The following PTK2B variants were observed in gnomAD, a reference collection of about 807,000 sequenced individuals.
The protein encoded by PTK2B is protein tyrosine kinase 2 beta, also known as protein-tyrosine kinase 2-beta.
Under a neutral mutation model 142.9 loss-of-function variants are expected in PTK2B, and 71 were observed. The ratio of observed to expected loss-of-function variants is 0.50; its 90% CI spans 0.41 to 0.61. The LOEUF (loss-of-function observed/expected upper bound fraction) is 0.61, where lower values mean the gene tolerates loss of function less well. Ranked by LOEUF, PTK2B falls within the 20% of genes least tolerant of loss-of-function variation. The pLI, the probability that PTK2B is intolerant of heterozygous loss-of-function variation, is 0.00. For synonymous variants in PTK2B, 519 were observed against 503.4 expected, an observed-to-expected ratio of 1.03 and a Z score of -0.42; for missense variants, 1,105 against 1,320.4, an observed-to-expected ratio of 0.84 and a Z score of 2.53.
chr8:27,392,984 G>T (rs1249177603), intron 1 of PTK2B, among the ~76,000 whole-genome samples: 2 of 152,178 alleles, frequency 1.3e-5, no homozygotes, highest in Admixed American at 1.3e-4. Context: ...GGGAATATTC[G>T]ATGCTAATTG....
intron 30 of PTK2B, 41 bp downstream of exon 30, chr8:27,454,652 T>C: frequency 1.3e-6 from 2 of 1,594,702 alleles, no homozygotes; most frequent in Non-Finnish European, 1.7e-6. Context: ...GCTGTTGCTT[T>C]GCTCCTGCTT....
chr8:27,457,755 AC>A (rs1354129447), intron 30 of PTK2B, among the ~76,000 whole-genome samples: 1 of 152,158 alleles, frequency 6.6e-6, no homozygotes, highest in Non-Finnish European at 1.5e-5. Flanking sequence ...TCGGAGGATC[AC>A]CTGAGGTCAG....
intron 2 of PTK2B, among the ~76,000 whole-genome samples, chr8:27,406,588 GAA>G (rs1808726129): frequency 6.6e-6 from 1 of 152,144 alleles, no homozygotes; most frequent in Non-Finnish European, 1.5e-5. Flanking sequence ...ACACCTCCTG[GAA>G]GTTGGCAGCG....
chr8:27,364,593 C>G (rs910864511), intron 1 of PTK2B, among the ~76,000 whole-genome samples: 2 of 152,182 alleles, frequency 1.3e-5, no homozygotes, highest in Non-Finnish European at 2.9e-5. Flanking sequence ...AGGGACTGAA[C>G]AGAATTTTGC....
chr8:27,350,546 C>A (rs1199665721), intron 1 of PTK2B, among the ~76,000 whole-genome samples: 1 of 147,994 alleles, frequency 6.8e-6, no homozygotes, highest in Non-Finnish European at 1.5e-5. Context: ...ATTCTCCAGT[C>A]CCGTGACTTC....
chr8:27,407,623 G>T (rs1472907902), intron 2 of PTK2B, among the ~76,000 whole-genome samples: 1 of 152,182 alleles, frequency 6.6e-6, no homozygotes, highest in African/African-American at 2.4e-5. Context: ...CTACTGGACA[G>T]GTGCTCCCGG....
At chr8:27,451,175 C>T in intron 26 of PTK2B, 97 bp downstream of exon 26, 1 of 1,388,738 alleles carries the variant, frequency 7.2e-7, no homozygotes. Flanking sequence ...ACCCCCAGGC[C>T]TGCCCAGCTC....
intron 1 of PTK2B, among the ~76,000 whole-genome samples, chr8:27,365,914 A>G (rs1264386028): frequency 1.3e-5 from 2 of 152,168 alleles, no homozygotes; most frequent in Non-Finnish European, 2.9e-5. Context: ...AGGACTTCGG[A>G]CTTAGCCAGT....
At position 27,445,843 on chromosome 8, in the gene PTK2B, A is replaced by G. The variant is rs1811437871; in HGVS notation, c.2264A>G (p.Glu755Gly). The G allele has an allele frequency of 6.2e-7, 1 of 1,614,078 alleles. No homozygotes were observed. The highest frequency in any genetic ancestry group is 8.5e-7 in the Non-Finnish European group (1 of 1,180,020). ...ASSPTLTSPM[E>G]YPSPVNSLHT... ...TCTCCTACGCTCACCAGCCCTATGG[A>G]GTATCCATCTCCCGTTAACTCACTG... is the stretch of plus-strand genomic sequence containing the variant. The change falls in exon 24 of 31, where the codon GAG becomes GGG. Residue 755 changes from glutamate to glycine, a missense_variant. Transcript: ENST00000346049.
At position 27,430,131 on chromosome 8, in the gene PTK2B, A is replaced by G. The variant is rs1389516884; in HGVS notation, c.590A>G (p.Lys197Arg). 3.1e-6 allele frequency: 5 copies of G among 1,613,958 alleles called. No individual in the cohort carries two copies. The highest frequency in any genetic ancestry group is 4.2e-6 in the Non-Finnish European group (5 of 1,179,862). ...FKDMPHNALD[K>R]KSNFELLEKE... ...GATATGCCCCACAATGCACTTGACA[A>G]GAAGTCCAACTTCGAGCTCCTAGAG... The change falls in exon 6 of 31, where the codon AAG (lysine) becomes AGG (arginine). Residue 197 changes from lysine (K) to arginine (R), a missense_variant. Transcript: ENST00000346049.
chr8:27,427,850 G>T (rs367554515), intron 5 of PTK2B, among the ~76,000 whole-genome samples: 26 of 152,242 alleles, frequency 1.7e-4, no homozygotes, highest in African/African-American at 6.0e-4. Context: ...TACCTCAGAG[G>T]CCCCCAACCT....
chr8:27,312,668 G>T (rs1803004046), intron 2 of PTK2B, among the ~76,000 whole-genome samples: 2 of 152,094 alleles, frequency 1.3e-5, no homozygotes, highest in African/African-American at 4.8e-5. Context: ...CTATCTCTCA[G>T]TCCCCCAAGG....
chr8:27,405,593 C>G (rs376576372), intron 2 of PTK2B, among the ~76,000 whole-genome samples: 13 of 152,312 alleles, frequency 8.5e-5, no homozygotes, highest in South Asian at 4.1e-4. Flanking sequence ...TTCTGCACCC[C>G]CTCCCTGTTT....
intron 3 of PTK2B, among the ~76,000 whole-genome samples, chr8:27,318,599 TCC>T (rs1390547190): frequency 6.6e-6 from 1 of 152,080 alleles, no homozygotes; most frequent in East Asian, 1.9e-4. Flanking sequence ...AAACCATGTG[TCC>T]TCTGTGGCAA....
intron 24 of PTK2B, among the ~76,000 whole-genome samples, chr8:27,446,985 G>T (rs1351088623): frequency 8.5e-5 from 13 of 152,060 alleles, no homozygotes; most frequent in Non-Finnish European, 1.5e-4. Context: ...ACATTTTTAG[G>T]CATGTGCTAT....
chr8:27,409,562 G>GA (rs971166178), intron 2 of PTK2B, among the ~76,000 whole-genome samples: 3 of 152,032 alleles, frequency 2.0e-5, no homozygotes, highest in East Asian at 1.9e-4. Context: ...GAACATGTGG[G>GA]AAAAAAACCC....
At position 27,432,267 on chromosome 8, in the gene PTK2B, G is replaced by A. The variant is rs752764255; in HGVS notation, c.893G>A (p.Cys298Tyr). Residue 298 changes from cysteine (C) to tyrosine (Y), a missense_variant, in exon 10 of 31, where the codon TGC becomes TAC. By Grantham distance (194) the Cys-to-Tyr change is radical. Transcript: ENST00000346049. ...QLTSQDAKPT[C>Y]LAEFKQIRSI... ...CCCCTTCTTTTCCCACAGCCCACCT[G>A]CCTGGCCGAGTTCAAGCAGATCAGG... 18 of 1,613,884 alleles carry A rather than the reference G, an allele frequency of 1.1e-5. No individual in the cohort carries two copies. The African/African-American group carries it at 2.3e-4, about 20-fold the overall frequency.
intron 20 of PTK2B, among the ~76,000 whole-genome samples, chr8:27,439,924 A>G (rs1811050783): frequency 6.6e-6 from 1 of 152,076 alleles, no homozygotes; most frequent in Non-Finnish European, 1.5e-5. Flanking sequence ...TTCCAGCTTT[A>G]CTAAGGAGTG....
At chr8:27,358,899 T>G (rs1422241168) in intron 1 of PTK2B, among the ~76,000 whole-genome samples, 2 of 152,198 alleles carry the variant, frequency 1.3e-5, no homozygotes, top group African/African-American at 4.8e-5. Context: ...TACTTGAATT[T>G]AAGGTCTAAC....
Sources: allele counts gnomAD v4.1 joint callset (sites outside exome capture counted in the v4.1 genomes callset), GRCh38; gene constraint gnomAD v4.1.1; transcripts MANE v1.5; gene names NCBI Gene and HGNC (gene_info 2026-07-23, HGNC 2026-07-21).